SGPP1: variants seen among roughly 807,000 people sequenced by gnomAD.
The protein encoded by SGPP1 is hSPP1.
Under a neutral mutation model 33.0 loss-of-function variants are expected in SGPP1, and 21 were observed. The ratio of observed to expected loss-of-function variants is 0.64; its 90% confidence interval spans 0.45 to 0.92. The LOEUF is 0.92. Among genes scored for constraint, SGPP1 ranks in the 40% least tolerant of loss-of-function variants. The pLI is 0.00. For synonymous variants in SGPP1, 239 were observed against 241.2 expected, an observed-to-expected ratio of 0.99 and a Z score of 0.08; for missense variants, 543 against 589.4, an observed-to-expected ratio of 0.92 and a Z score of 0.81.
chr14:63,707,749 A>G (rs1218640407), intron 1 of SGPP1, among the ~76,000 whole-genome samples: 2 of 152,078 alleles, frequency 1.3e-5, no homozygotes, highest in East Asian at 3.9e-4. Flanking sequence ...CCAAGCCCTT[A>G]TTAAGTATTT....
At chr14:63,700,958 T>A (rs1237451863) in intron 1 of SGPP1, among the ~76,000 whole-genome samples, 1 of 152,158 alleles carries the variant, frequency 6.6e-6, no homozygotes, top group African/African-American at 2.4e-5. Context: ...AGCTGTTTGC[T>A]AACGCATAAT....
At chr14:63,722,988 A>T (rs1885805630) in intron 1 of SGPP1, among the ~76,000 whole-genome samples, 1 of 151,900 alleles carries the variant, frequency 6.6e-6, no homozygotes, top group Admixed American at 6.6e-5. Context: ...AAAAAAAAAA[A>T]ATTAATCTAA....
intron 1 of SGPP1, among the ~76,000 whole-genome samples, chr14:63,699,480 G>T (rs1023886589): frequency 1.3e-5 from 2 of 152,140 alleles, no homozygotes; most frequent in African/African-American, 4.8e-5. Context: ...AAGTTGGGTT[G>T]AAATAAAGGA....
intron 2 of SGPP1, among the ~76,000 whole-genome samples, chr14:63,687,584 G>C (rs55706628): frequency 0.14 from 22,009 of 152,256 alleles, 4,114 homozygotes; most frequent in African/African-American, 0.44. Context: ...GGTGGTGACA[G>C]TTGAGCACAG....
At chr14:63,718,977 CATATATATATAT>C (rs1221455081) in intron 1 of SGPP1, among the ~76,000 whole-genome samples, 755 of 26,956 alleles carry the variant, frequency 0.028, 20 homozygotes, top group Admixed American at 0.036. Flanking sequence ...TATGTATATA[CATATATATATAT>C]ATATATATAT....
chr14:63,698,588 A>G lies in SGPP1; in HGVS notation c.755T>C (p.Met252Thr). The change falls in exon 2 of 3, where the codon ATG (methionine) becomes ACG (threonine). Residue 252 changes from methionine (M) to threonine (T), a missense_variant. Met to Thr is a moderately conservative substitution (Grantham distance 81). Coordinates refer to ENST00000247225, the MANE Select transcript of SGPP1 (RefSeq NM_030791.4). ...CSLVCLSRIY[M>T]GMHSILDIIA... ...CCTTACCAGAATAGAGTGCATTCCC[A>G]TGTAAATTCTACTTAGGCAAACTAG... 1 of 1,587,024 alleles carries G rather than the reference A, an allele frequency of 6.3e-7. No individual in the cohort carries two copies. Among genetic ancestry groups the G allele is most frequent in the Non-Finnish European group, 8.6e-7 (1 of 1,159,142 alleles).
At chr14:63,719,104 T>C (rs1885716227) in intron 1 of SGPP1, among the ~76,000 whole-genome samples, 1 of 135,926 alleles carries the variant, frequency 7.4e-6, no homozygotes, top group Admixed American at 8.0e-5. Context: ...CTTGGCTCAC[T>C]GCAACGTATG....
chr14:63,715,904 A>C (rs1885613786), intron 1 of SGPP1, among the ~76,000 whole-genome samples: 1 of 152,196 alleles, frequency 6.6e-6, no homozygotes, highest in African/African-American at 2.4e-5. Context: ...AGCAGTGAAG[A>C]GGGAATTGGG....
In SGPP1 at chr14:63,686,333, T is replaced by C. The variant is rs1389441503; in HGVS notation, c.1098A>G (p.Ile366Met). ...PITVTLFGKAILRILIGMVFV... is the reference protein window; with the variant it reads ...PITVTLFGKAMLRILIGMVFV... ...ATACCATCCCTATGAGGATCCGCAA[T>C]ATGGCTTTTCCAAACAGAGTCACAG... The change falls in exon 3 of 3, where the codon ATA becomes ATG. Residue 366 changes from isoleucine to methionine, a missense_variant. By Grantham distance (10) the Ile-to-Met change is conservative. Coordinates refer to ENST00000247225, the MANE Select transcript of SGPP1 (RefSeq NM_030791.4). 3.1e-6 allele frequency: 5 copies of C among 1,613,986 alleles called. No individual in the cohort carries two copies. Among genetic ancestry groups the C allele is most frequent in the Non-Finnish European group, 4.2e-6 (5 of 1,179,900 alleles).
intron 2 of SGPP1, among the ~76,000 whole-genome samples, chr14:63,694,210 G>C (rs963094775): frequency 6.6e-6 from 1 of 151,722 alleles, no homozygotes; most frequent in African/African-American, 2.4e-5. Context: ...GGAGGCAAAG[G>C]TTGCAGTGAG....
At chr14:63,700,694 GA>G in intron 1 of SGPP1, among the ~76,000 whole-genome samples, 1 of 152,226 alleles carries the variant, frequency 6.6e-6, no homozygotes, top group Middle Eastern at 3.4e-3. Flanking sequence ...AATAAAAAGA[GA>G]ACATGTGTTG....
chr14:63,688,309 C>T (rs1052452515), intron 2 of SGPP1, among the ~76,000 whole-genome samples: 1 of 92,862 alleles, frequency 1.1e-5, no homozygotes, highest in African/African-American at 5.0e-5. Flanking sequence ...GAGCAAGACT[C>T]TGTCTCAAAA....
chr14:63,715,194 T>C lies in SGPP1; in HGVS notation c.684+12067A>G, dbSNP rs570600362. Among the ~76,000 whole-genome samples, 203 of 151,842 alleles carry C rather than the reference T, an allele frequency of 1.3e-3. 1 individual carries two copies. In the Middle Eastern group the frequency reaches 0.021, roughly 15 times the overall value. ...ACGCCCAGCTAATTGTTTGTATTTT[T>C]AGTAGAGACAGGGTTTCACCACGTT... On this transcript the variant is annotated intron_variant, in intron 1 of 2. Coordinates refer to ENST00000247225, the MANE Select transcript of SGPP1 (RefSeq NM_030791.4).
At chr14:63,714,388 G>A (rs1274114900) in intron 1 of SGPP1, among the ~76,000 whole-genome samples, 1 of 152,042 alleles carries the variant, frequency 6.6e-6, no homozygotes, top group Non-Finnish European at 1.5e-5. Context: ...AGTGATAAAT[G>A]TTTGTACTTC....
At chr14:63,710,484 T>A (rs1435109618) in intron 1 of SGPP1, among the ~76,000 whole-genome samples, 1 of 152,188 alleles carries the variant, frequency 6.6e-6, no homozygotes. Context: ...CAATTTAGAT[T>A]ATTTTAAGAA....
At chr14:63,711,330 T>C (rs1885518282) in intron 1 of SGPP1, among the ~76,000 whole-genome samples, 1 of 152,170 alleles carries the variant, frequency 6.6e-6, no homozygotes, top group Non-Finnish European at 1.5e-5. Context: ...GATTGTTTTC[T>C]AGGGATTTAT....
At chr14:63,701,075 G>A (rs755369674) in intron 1 of SGPP1, among the ~76,000 whole-genome samples, 52 of 152,122 alleles carry the variant, frequency 3.4e-4, no homozygotes, top group Admixed American at 9.8e-4. Context: ...CCACCTCTCA[G>A]ACTCAAGCGA....
intron 1 of SGPP1, among the ~76,000 whole-genome samples, chr14:63,723,787 T>A (rs1885823852): frequency 6.6e-6 from 1 of 152,024 alleles, no homozygotes; most frequent in Admixed American, 6.6e-5. Context: ...GAAATACAAC[T>A]AACTCCTCAC....
At chr14:63,687,589 G>A (rs946670739) in intron 2 of SGPP1, among the ~76,000 whole-genome samples, 8 of 152,226 alleles carry the variant, frequency 5.3e-5, no homozygotes, top group African/African-American at 1.9e-4. Context: ...TGACAGTTGA[G>A]CACAGATCTG....
Sources: gnomAD v4.1 joint callset for allele counts (sites outside exome capture counted in the v4.1 genomes callset) on GRCh38, gnomAD v4.1.1 for gene constraint, MANE v1.5 for transcripts, NCBI Gene and HGNC (gene_info 2026-07-23, HGNC 2026-07-21) for gene names.